OSBPL8: variants seen among roughly 807,000 people sequenced by gnomAD.
OSBPL8 encodes the protein oxysterol binding protein like 8.
OSBPL8 carries 59 observed loss-of-function variants against 125.5 expected under a neutral mutation model. The observed-to-expected ratio is 0.47, with a 90% CI of 0.38 to 0.58. The LOEUF (loss-of-function observed/expected upper bound fraction) is 0.58. Among genes scored for constraint, OSBPL8 ranks in the 20% least tolerant of loss-of-function variants. The pLI is 0.00. For missense variants in OSBPL8, 758 were observed against 1,047.8 expected, an observed-to-expected ratio of 0.72 and a Z score of 3.82; for synonymous variants, 330 against 338.9, an observed-to-expected ratio of 0.97 and a Z score of 0.29.
chr12:76,378,590 T>C (rs1411891694), intron 15 of OSBPL8, 40 bp from the exon 16 acceptor site: 2 of 1,379,730 alleles, frequency 1.4e-6, no homozygotes, highest in Non-Finnish European at 2.0e-6. Context: ...ACAAAACTTA[T>C]TCAACCAATT....
intron 4 of OSBPL8, among the ~76,000 whole-genome samples, chr12:76,446,703 A>G (rs1404184765): frequency 6.6e-6 from 1 of 152,156 alleles, no homozygotes; most frequent in East Asian, 1.9e-4. Flanking sequence ...ATATTATTAT[A>G]TCAGCGATCA....
At position 76,369,820 on chromosome 12, in the gene OSBPL8, A is replaced by C. The variant is rs979831115; in HGVS notation, c.2057T>G (p.Leu686Arg). The C allele has an allele frequency of 1.9e-6, 3 of 1,602,656 alleles. No homozygotes were observed. Among genetic ancestry groups the C allele is most frequent in the African/African-American group, 2.7e-5 (2 of 74,144 alleles). ...TATGGCTCGAGTTACCCGTTGCCAGAGTCTAATACATGTGCGAAAATATTA... is the reference window on the plus strand; with the variant it reads ...TATGGCTCGAGTTACCCGTTGCCAGCGTCTAATACATGTGCGAAAATATTA... ...EEQGDFESEK[L>R]WQRVTRAINA... The change falls in exon 20 of 24, where the codon CTC becomes CGC. Residue 686 changes from leucine to arginine, a missense_variant and splice_region_variant. Leu to Arg is a moderately radical substitution (Grantham distance 102). Transcript: ENST00000261183.
At chr12:76,382,633 A>C (rs990189920) in intron 15 of OSBPL8, among the ~76,000 whole-genome samples, 52 of 152,348 alleles carry the variant, frequency 3.4e-4, no homozygotes, top group Middle Eastern at 3.4e-3. Flanking sequence ...CTGTAACCCC[A>C]GCACTTTGGG....
chr12:76,450,133 T>C (rs1403796490), intron 4 of OSBPL8, among the ~76,000 whole-genome samples: 1 of 152,178 alleles, frequency 6.6e-6, no homozygotes, highest in African/African-American at 2.4e-5. Flanking sequence ...CATGGATGGT[T>C]TTGTCCCTCA....
At chr12:76,426,717 T>TA (rs1870193332) in intron 4 of OSBPL8, among the ~76,000 whole-genome samples, 1 of 152,212 alleles carries the variant, frequency 6.6e-6, no homozygotes, top group South Asian at 2.1e-4. Flanking sequence ...TCACAGTACA[T>TA]ATACATGTAA....
chr12:76,437,188 T>C (rs934690576), intron 4 of OSBPL8, among the ~76,000 whole-genome samples: 1 of 152,218 alleles, frequency 6.6e-6, no homozygotes, highest in Non-Finnish European at 1.5e-5. Flanking sequence ...TTAGAGTTTA[T>C]CTTTAACTTT....
intron 1 of OSBPL8, among the ~76,000 whole-genome samples, chr12:76,557,719 A>G (rs1251990687): frequency 2.0e-5 from 3 of 152,188 alleles, no homozygotes; most frequent in Non-Finnish European, 4.4e-5. Context: ...ACACAATTGT[A>G]AATTTATCCC....
rs1209876640 is a variant in OSBPL8 at position 76,366,500 on chromosome 12, G to A, written c.2328+2714C>T. 3 of 362,948 alleles carry A rather than the reference G, an allele frequency of 8.3e-6. No homozygotes were observed. In the East Asian group the frequency reaches 2.5e-4, roughly 30 times the overall value. The allele number at this position is 362,948 out of a possible 1,614,324, so 22.5% of individuals were successfully genotyped here. The stretch of plus-strand genomic sequence containing the variant: ...TTTATCAAAGAGCAACTTTTGGTTT[G>A]GTTTCACAAATTCTATTTTTTTCCT... On this transcript the variant is annotated intron_variant, in intron 21 of 23. Transcript: ENST00000261183.
chr12:76,542,361 C>T (rs936466779), intron 1 of OSBPL8, among the ~76,000 whole-genome samples: 8 of 152,182 alleles, frequency 5.3e-5, no homozygotes, highest in African/African-American at 1.9e-4. Context: ...CTCTCCACTA[C>T]CACCTTCAGT....
chr12:76,557,829 C>T lies in OSBPL8; in HGVS notation c.-68+1568G>A, dbSNP rs143675726. Reference sequence around the variant, plus strand: ...AATGTGTTATAAAAAACATATTTGACTGTCTTTAAAATGCAGTAACATTCT... The same window carrying T: ...AATGTGTTATAAAAAACATATTTGATTGTCTTTAAAATGCAGTAACATTCT... On this transcript the variant is annotated intron_variant, in intron 1 of 23. Transcript: ENST00000261183. Among the ~76,000 whole-genome samples, 28 of 152,246 alleles carry T rather than the reference C, an allele frequency of 1.8e-4. 1 individual carries two copies. The East Asian group carries it at 5.4e-3, about 29-fold the overall frequency.
intron 4 of OSBPL8, among the ~76,000 whole-genome samples, chr12:76,434,629 T>C (rs960969899): frequency 5.3e-5 from 8 of 151,862 alleles, no homozygotes; most frequent in African/African-American, 1.9e-4. Flanking sequence ...ACAAAATATA[T>C]TAAAAACTCA....
At chr12:76,383,796 C>T (rs1026607427) in intron 15 of OSBPL8, among the ~76,000 whole-genome samples, 1 of 151,964 alleles carries the variant, frequency 6.6e-6, no homozygotes, top group East Asian at 1.9e-4. Flanking sequence ...CTCTATTTTC[C>T]CTTGTACTTG....
intron 1 of OSBPL8, among the ~76,000 whole-genome samples, chr12:76,523,213 A>G (rs913737146): frequency 1.3e-5 from 2 of 152,210 alleles, no homozygotes; most frequent in Non-Finnish European, 2.9e-5. Context: ...TCAAAAATTA[A>G]CCATAAACTT....
rs758315854 is a variant in OSBPL8 at position 76,390,651 on chromosome 12, A to T, written c.936T>A (p.Asn312Lys). The change falls in exon 11 of 24, where the codon AAT (asparagine) becomes AAA (lysine). Residue 312 changes from asparagine (N) to lysine (K), a missense_variant. Physicochemically the swap from Asn to Lys is moderately conservative, Grantham distance 94. Transcript: ENST00000261183. ...AATGTTGTCGTTCAATTTCACTATC[A>T]TTTAACCTTAAGGGAAAGAATTTTT... ...NLHSGDNFQL[N>K]DSEIERQHFK... 1.9e-6 allele frequency: 3 copies of T among 1,604,138 alleles called. No individual in the cohort carries two copies. The South Asian group carries it at 3.3e-5, about 18-fold the overall frequency.
At chr12:76,491,220 A>C (rs1878678859) in intron 1 of OSBPL8, among the ~76,000 whole-genome samples, 1 of 152,228 alleles carries the variant, frequency 6.6e-6, no homozygotes, top group African/African-American at 2.4e-5. Flanking sequence ...ACATAAATTT[A>C]GTTGATAAAA....
intron 15 of OSBPL8, among the ~76,000 whole-genome samples, chr12:76,383,549 A>G (rs1272705554): frequency 6.6e-6 from 1 of 152,164 alleles, no homozygotes; most frequent in Non-Finnish European, 1.5e-5. Context: ...CGCTCAGGTA[A>G]CCAGACCTTG....
chr12:76,504,051 A>G (rs1880170758), intron 1 of OSBPL8, among the ~76,000 whole-genome samples: 1 of 150,554 alleles, frequency 6.6e-6, no homozygotes, highest in African/African-American at 2.5e-5. Context: ...GTTACCCTCA[A>G]TATGTGGGTG....
chr12:76,394,003 A>G (rs1217665836), intron 9 of OSBPL8, among the ~76,000 whole-genome samples: 1 of 152,206 alleles, frequency 6.6e-6, no homozygotes, highest in African/African-American at 2.4e-5. Flanking sequence ...CTGGCAACAG[A>G]GCGAGACTCC....
intron 4 of OSBPL8, among the ~76,000 whole-genome samples, chr12:76,433,908 G>T (rs1871143698): frequency 1.3e-5 from 2 of 150,370 alleles, no homozygotes; most frequent in Non-Finnish European, 3.0e-5. Context: ...CCAGGAGGCG[G>T]AGGTTGCAGT....
Sources: gnomAD v4.1 joint callset for allele counts (sites outside exome capture counted in the v4.1 genomes callset) on GRCh38, gnomAD v4.1.1 for gene constraint, MANE v1.5 for transcripts, NCBI Gene and HGNC (gene_info 2026-07-23, HGNC 2026-07-21) for gene names.